The following MPDZ variants were observed in gnomAD, a reference collection of about 807,000 sequenced individuals.
MPDZ encodes the protein multiple PDZ domain protein.
A neutral mutation model predicts 239.1 loss-of-function variants in MPDZ; 234 were observed. The ratio of observed to expected loss-of-function variants is 0.98; its 90% CI spans 0.88 to 1.09. The LOEUF is 1.09. Among genes scored for constraint, MPDZ ranks in the 50% least tolerant of loss-of-function variants. The pLI is 0.00. For synonymous variants in MPDZ, 1,048 were observed against 881.3 expected (o/e 1.19, Z -3.35); for missense variants, 3,175 against 2,510.0 (o/e 1.26, Z -5.66).
intron 32 of MPDZ, among the ~76,000 whole-genome samples, chr9:13,128,931 C>T (rs1346645004): frequency 6.6e-6 from 1 of 152,102 alleles, no homozygotes; most frequent in East Asian, 1.9e-4. Flanking sequence ...AACGGGCTCT[C>T]GATGACACTG....
chr9:13,217,277 C>T lies in MPDZ; in HGVS notation c.1104G>A (p.Gln368=), dbSNP rs1958471261. 2 of 1,594,490 alleles carry T rather than the reference C, an allele frequency of 1.3e-6. No homozygotes were observed. Among genetic ancestry groups the T allele is most frequent in the Non-Finnish European group, 1.7e-6 (2 of 1,168,768 alleles). The change falls in exon 9 of 47, where the codon CAG becomes CAA. Residue 368 remains glutamine (Q), a synonymous_variant. Coordinates refer to ENST00000319217, the MANE Select transcript of MPDZ (RefSeq NM_001378778.1). ...CAAATGTCTCACTTTCTTCACCTTT[C>T]TGAGTAGAAGCATCAACCTAAAATA... is the stretch of plus-strand genomic sequence containing the variant. ...TPELRVDAST[Q]KGEESETFDV... is the part of the protein sequence containing the mutation.
At chr9:13,175,590 C>T (rs2134162605) in intron 21 of MPDZ, among the ~76,000 whole-genome samples, 162 bp downstream of exon 21, 1 of 152,060 alleles carries the variant, frequency 6.6e-6, no homozygotes, top group Non-Finnish European at 1.5e-5. Flanking sequence ...ACCTGTAAAC[C>T]ATTTCAAAAA....
chr9:13,171,414 A>G (rs1239801952), intron 21 of MPDZ, among the ~76,000 whole-genome samples: 1 of 152,146 alleles, frequency 6.6e-6, no homozygotes, highest in East Asian at 1.9e-4. Context: ...TCAGAGATAG[A>G]CAGGCTTGAG....
chr9:13,174,455 A>G (rs1471819165), intron 21 of MPDZ, among the ~76,000 whole-genome samples: 1 of 152,124 alleles, frequency 6.6e-6, no homozygotes, highest in African/African-American at 2.4e-5. Flanking sequence ...AATGGGTTCT[A>G]TGGCCAATTA....
In MPDZ at chr9:13,143,461, C is replaced by A. The variant is rs780967744; in HGVS notation, c.3840+5G>T. 1.1e-5 allele frequency: 18 copies of A among 1,607,204 alleles called. No individual in the cohort carries two copies. Among genetic ancestry groups the A allele is most frequent in the Non-Finnish European group, 1.2e-5 (14 of 1,174,240 alleles). On this transcript the variant is annotated splice_donor_5th_base_variant and intron_variant, in intron 27 of 46. Transcript: ENST00000319217. The stretch of plus-strand genomic sequence containing the variant: ...CCAACAGCAAGACAATGGGCATTAT[C>A]CAACCTTGTCGGCGTTGATTTGTAG...
At chr9:13,215,438 G>T (rs1564051722) in intron 10 of MPDZ, among the ~76,000 whole-genome samples, 2 of 146,824 alleles carry the variant, frequency 1.4e-5, no homozygotes, top group Non-Finnish European at 3.0e-5. Context: ...GTGTATATAT[G>T]ATATATATAT....
intron 46 of MPDZ, 66 bp downstream of exon 46, chr9:13,108,870 C>T: frequency 6.5e-7 from 1 of 1,530,154 alleles, no homozygotes; most frequent in Non-Finnish European, 8.9e-7. Flanking sequence ...AACTAATAAG[C>T]CAGCTGCTGA....
At chr9:13,129,957 A>G (rs146099162) in intron 32 of MPDZ, among the ~76,000 whole-genome samples, 35 of 152,312 alleles carry the variant, frequency 2.3e-4, no homozygotes, top group African/African-American at 8.2e-4. Context: ...TATTATTTGG[A>G]GAATTATTTT....
chr9:13,269,585 T>G (rs1972517373), intron 1 of MPDZ, among the ~76,000 whole-genome samples: 1 of 152,196 alleles, frequency 6.6e-6, no homozygotes, highest in Admixed American at 6.5e-5. Context: ...AAAACAAATG[T>G]ACCTCTAGTG....
At chr9:13,224,649 C>G in intron 3 of MPDZ, 66 bp from the exon 4 acceptor site, 1 of 1,051,246 alleles carries the variant, frequency 9.5e-7, no homozygotes, top group Admixed American at 2.5e-5. Context: ...GAAAATATCC[C>G]AAGGGTACAA....
chr9:13,261,033 T>C (rs1336234969), intron 1 of MPDZ, among the ~76,000 whole-genome samples: 1 of 152,100 alleles, frequency 6.6e-6, no homozygotes, highest in Non-Finnish European at 1.5e-5. Context: ...CCAATCTAAG[T>C]GCTGACATGA....
intron 23 of MPDZ, among the ~76,000 whole-genome samples, chr9:13,160,869 T>TATATATATATAAAA (rs1554669676): frequency 7.8e-6 from 1 of 127,808 alleles, no homozygotes; most frequent in African/African-American, 2.9e-5. Context: ...TATATATATA[T>TATATATATATAAAA]AAAACAGGTA....
intron 27 of MPDZ, among the ~76,000 whole-genome samples, chr9:13,141,215 AC>A (rs1312260126): frequency 6.6e-6 from 1 of 152,300 alleles, no homozygotes; most frequent in East Asian, 1.9e-4. Flanking sequence ...AGATGATCAA[AC>A]AATGTTAGAG....
chr9:13,113,600 G>C (rs574849930), intron 41 of MPDZ, among the ~76,000 whole-genome samples: 6 of 152,098 alleles, frequency 3.9e-5, no homozygotes, highest in African/African-American at 9.6e-5. Context: ...GAAAAAGAAG[G>C]CTTCACTTAA....
intron 12 of MPDZ, among the ~76,000 whole-genome samples, chr9:13,201,056 GTTTA>G (rs1956329239): frequency 6.6e-6 from 1 of 151,632 alleles, no homozygotes; most frequent in South Asian, 2.1e-4. Flanking sequence ...CTCCCTTCAG[GTTTA>G]TTTTTTTTAA....
In MPDZ at chr9:13,205,783, T is replaced by C. The variant is rs972592747; in HGVS notation, c.1474+133A>G. The C allele has an allele frequency of 2.6e-5, 20 of 778,556 alleles. No individual in the cohort carries two copies. In the African/African-American group the frequency reaches 2.6e-4, roughly 10 times the overall value. The allele number at this position is 778,556 out of a possible 1,614,324, so 48.2% of individuals were successfully genotyped here. On this transcript the variant is annotated intron_variant, in intron 11 of 46. Coordinates refer to ENST00000319217, the MANE Select transcript of MPDZ (RefSeq NM_001378778.1). ...ACACTTCTTTACTCGCCTTGGTTTA[T>C]AATGAATAGTTGAGGGTAAAAAGCA... is the stretch of plus-strand genomic sequence containing the variant.
chr9:13,150,206 G>A (rs1296832524), intron 25 of MPDZ, among the ~76,000 whole-genome samples: 1 of 151,502 alleles, frequency 6.6e-6, no homozygotes, highest in Admixed American at 6.6e-5. Flanking sequence ...TAAATGGTTG[G>A]CTTTATCTCC....
At chr9:13,160,858 ATATATATATAT>A (rs1563931038) in intron 23 of MPDZ, among the ~76,000 whole-genome samples, 6 of 121,924 alleles carry the variant, frequency 4.9e-5, no homozygotes, top group South Asian at 2.6e-4. Context: ...ATATATATAT[ATATATATATAT>A]AAAACAGGTA....
Position 13,123,251 on chromosome 9 carries a change from T to A in MPDZ, c.4855A>T (p.Thr1619Ser), listed in dbSNP as rs762508950. The change falls in exon 36 of 47, where the codon ACC becomes TCC. Residue 1619 changes from threonine (T) to serine (S), a missense_variant. Physicochemically the swap from Thr to Ser is moderately conservative, Grantham distance 58. Coordinates refer to ENST00000319217, the MANE Select transcript of MPDZ (RefSeq NM_001378778.1). ...TCGCAGCCAGGGATAATGGGGCAGG[T>A]TGCAGGATCAGAAGCAAAAATTGCT... ...TPAIFASDPA[T>S]CPIIPGCETT... 1 of 1,613,400 alleles carries A rather than the reference T, an allele frequency of 6.2e-7. No homozygotes were observed. The highest frequency in any genetic ancestry group is 2.2e-5 in the East Asian group (1 of 44,840).
Sources: allele counts gnomAD v4.1 joint callset (sites outside exome capture counted in the v4.1 genomes callset), GRCh38; gene constraint gnomAD v4.1.1; transcripts MANE v1.5; gene names NCBI Gene and HGNC (gene_info 2026-07-23, HGNC 2026-07-21).